The following ARHGEF10 variants were observed in gnomAD, a reference collection of about 807,000 sequenced individuals.
The protein encoded by ARHGEF10 is Rho guanine nucleotide exchange factor (GEF) 10.
In ARHGEF10, 140 loss-of-function variants were observed where a neutral mutation model predicts 147.4. The observed-to-expected ratio is 0.95, with a 90% CI of 0.83 to 1.09. The LOEUF is 1.09. ARHGEF10 is among the 50% of genes least tolerant of loss of function. The pLI, the probability that ARHGEF10 is intolerant of heterozygous loss-of-function variation, is 0.00. For synonymous variants in ARHGEF10, 902 were observed against 695.8 expected, an observed-to-expected ratio of 1.30 and a Z score of -4.67; for missense variants, 2,222 against 1,752.7, an observed-to-expected ratio of 1.27 and a Z score of -4.78.
Position 1,860,185 on chromosome 8 carries a change from G to A in ARHGEF10, c.481+1G>A. ...TGCGCCACGTCCCTGGACGAAGAAG[G>A]TACTGCTACCCTCCTCTCCACGCCC... On this transcript the variant is annotated splice_donor_variant, in intron 4 of 28. Transcript: ENST00000349830. LOFTEE classifies it high-confidence loss of function. 6.2e-7 allele frequency: 1 copy of A among 1,611,546 alleles called. No homozygotes were observed.
At chr8:1,858,756 G>C (rs901310242) in intron 3 of ARHGEF10, 1 of 157,916 alleles carries the variant, frequency 6.3e-6, no homozygotes, top group African/African-American at 2.4e-5. Flanking sequence ...TGTTTCTTCA[G>C]GTGTAGTACC....
rs80036487 is a variant in ARHGEF10, at chr8:1,883,615, C to G, written c.1075+866C>G. Among the ~76,000 whole-genome samples the G allele has an allele frequency of 8.0e-4, 122 of 152,300 alleles. No homozygotes were observed. The East Asian group carries it at 0.018, about 23-fold the overall frequency. On this transcript the variant is annotated intron_variant, in intron 10 of 28. Transcript: ENST00000349830. ...TCAGTCCTAATGAAGCCCTCGGCATCTCAGACAAGGTGGGGGTAAGCTGTC... is the reference window on the plus strand; with the variant it reads ...TCAGTCCTAATGAAGCCCTCGGCATGTCAGACAAGGTGGGGGTAAGCTGTC...
chr8:1,923,307 G>GC, intron 19 of ARHGEF10, 161 bp from the exon 20 acceptor site: 2 of 1,123,030 alleles, frequency 1.8e-6, no homozygotes, highest in Non-Finnish European at 2.6e-6. Flanking sequence ...AAATGTCTCA[G>GC]CCCCCCACAG....
rs773821788 is a variant in ARHGEF10, at chr8:1,948,387, C to T, written c.3397+2732C>T. ...TGTCCAGATGGAGTGCCGTGCTTCT[C>T]GTTGGCAGGTTTCTCCGGCATTTCG... is the stretch of plus-strand genomic sequence containing the variant. On this transcript the variant is annotated intron_variant, in intron 27 of 28. Coordinates refer to ENST00000349830, the MANE Select transcript of ARHGEF10 (RefSeq NM_014629.4). This position sits in a 1 kb window ranked among gnomAD's most constrained non-coding sequence, Gnocchi z 4.9. 1.3e-5 allele frequency among the ~76,000 whole-genome samples: 2 copies of T among 152,186 alleles called. No homozygotes were observed. Among genetic ancestry groups the T allele is most frequent in the African/African-American group, 2.4e-5 (1 of 41,450 alleles).
chr8:1,829,169 G>A (rs960104376), intron 1 of ARHGEF10, among the ~76,000 whole-genome samples: 9 of 152,080 alleles, frequency 5.9e-5, no homozygotes, highest in Non-Finnish European at 1.2e-4. Flanking sequence ...GAGTCGTCCC[G>A]ACAGGATACC....
intron 18 of ARHGEF10, among the ~76,000 whole-genome samples, chr8:1,914,829 AC>A (rs1300734018): frequency 1.3e-5 from 2 of 152,114 alleles, no homozygotes; most frequent in African/African-American, 4.8e-5. Context: ...TGTCATTATA[AC>A]CCTTGAACGA....
At chr8:1,872,147 G>T (rs977732679) in intron 7 of ARHGEF10, among the ~76,000 whole-genome samples, 1 of 152,098 alleles carries the variant, frequency 6.6e-6, no homozygotes, top group East Asian at 1.9e-4. Flanking sequence ...AATCATAAGA[G>T]GATGCTATAA....
At chr8:1,823,752 C>T (rs976855054), upstream of ARHGEF10, among the ~76,000 whole-genome samples, 4 of 151,792 alleles carry the variant, frequency 2.6e-5, no homozygotes, top group Non-Finnish European at 5.9e-5. Context: ...GCAGCCTGGG[C>T]CGGGCGTTGG....
At chr8:1,910,113 C>T (rs118144264) in intron 18 of ARHGEF10, among the ~76,000 whole-genome samples, 7 of 151,996 alleles carry the variant, frequency 4.6e-5, no homozygotes, top group South Asian at 2.1e-4. Flanking sequence ...ATCCAAAGAA[C>T]GACTGGCTAA....
At chr8:1,898,997 A>G (rs116631510) in intron 15 of ARHGEF10, among the ~76,000 whole-genome samples, 441 of 152,366 alleles carry the variant, frequency 2.9e-3, no homozygotes, top group Middle Eastern at 0.01. Context: ...CATACCCATC[A>G]CTGATTTAAC....
At chr8:1,878,837 C>G (rs962465329) in intron 8 of ARHGEF10, among the ~76,000 whole-genome samples, 2 of 152,134 alleles carry the variant, frequency 1.3e-5, no homozygotes, top group African/African-American at 4.8e-5. Flanking sequence ...GGCGAAGGAG[C>G]TGGGGAAAGC....
intron 3 of ARHGEF10, among the ~76,000 whole-genome samples, chr8:1,858,415 T>C (rs975759270): frequency 6.6e-6 from 1 of 152,270 alleles, no homozygotes. Flanking sequence ...TTCTTCATGA[T>C]GTACCTGAAA....
chr8:1,907,412 G>C (rs931803930), intron 17 of ARHGEF10, among the ~76,000 whole-genome samples: 1 of 152,164 alleles, frequency 6.6e-6, no homozygotes. Flanking sequence ...CCTGCCCTGG[G>C]AGACAAGATC....
At chr8:1,915,868 G>A (rs887785099) in intron 18 of ARHGEF10, among the ~76,000 whole-genome samples, 2 of 152,198 alleles carry the variant, frequency 1.3e-5, no homozygotes, top group Non-Finnish European at 2.9e-5. Flanking sequence ...ATTCCTAACG[G>A]CCTGTATAGC....
chr8:1,832,249 C>T (rs1310213866), intron 1 of ARHGEF10, among the ~76,000 whole-genome samples: 17 of 152,158 alleles, frequency 1.1e-4, no homozygotes, highest in African/African-American at 3.9e-4. Flanking sequence ...GGGCGGGGGG[C>T]GCGTTGTGTC....
rs114118432 is a variant in ARHGEF10, at chr8:1,853,908, G to T, written c.38-4052G>T. On this transcript the variant is annotated intron_variant, in intron 2 of 28. Coordinates refer to ENST00000349830, the MANE Select transcript of ARHGEF10 (RefSeq NM_014629.4). ...AGGACACTGCCACACTGGGTTAGCC[G>T]AGCCTGCTCTAGCACAGCCTCCTGT... is the stretch of plus-strand genomic sequence containing the variant. Among the ~76,000 whole-genome samples, 4 of 152,166 alleles carry T rather than the reference G, an allele frequency of 2.6e-5. No individual in the cohort carries two copies. The South Asian group carries it at 6.2e-4, about 24-fold the overall frequency.
chr8:1,823,693 G>A (rs946686191), upstream of ARHGEF10, among the ~76,000 whole-genome samples: 2 of 151,872 alleles, frequency 1.3e-5, no homozygotes, highest in Non-Finnish European at 2.9e-5. Flanking sequence ...CGGGGCAGGA[G>A]ATGATCCGGG....
At chr8:1,916,604 C>T (rs963186301) in intron 18 of ARHGEF10, among the ~76,000 whole-genome samples, 4 of 152,156 alleles carry the variant, frequency 2.6e-5, no homozygotes, top group Admixed American at 6.5e-5. Flanking sequence ...GTGTCCAGAA[C>T]CACATAGGAT....
intron 2 of ARHGEF10, among the ~76,000 whole-genome samples, chr8:1,845,089 A>G (rs1804452145): frequency 6.6e-6 from 1 of 152,170 alleles, no homozygotes; most frequent in African/African-American, 2.4e-5. Flanking sequence ...CAGTGAGCCG[A>G]GATCCTTCCA....
Sources: gnomAD v4.1 joint callset for allele counts (sites outside exome capture counted in the v4.1 genomes callset) on GRCh38, gnomAD v4.1.1 for gene constraint, Gnocchi (gnomAD v3.1) non-coding constraint, MANE v1.5 for transcripts, NCBI Gene and HGNC (gene_info 2026-07-23, HGNC 2026-07-21) for gene names.